Variants in HEATR6 observed in about 807,000 individuals in gnomAD.
HEATR6 encodes HEAT repeat-containing protein 6.
A neutral mutation model predicts 132.8 loss-of-function variants in HEATR6; 106 were observed. That is an observed-to-expected ratio of 0.80 (90% CI 0.68 to 0.94). The LOEUF (loss-of-function observed/expected upper bound fraction) is 0.94, where lower values mean the gene tolerates loss of function less well. HEATR6 is among the 40% of genes least tolerant of loss of function. HEATR6 has a pLI of 0.00. For missense variants in HEATR6, 1,339 were observed against 1,425.1 expected, an observed-to-expected ratio of 0.94 and a Z score of 0.97; for synonymous variants, 529 against 537.8, an observed-to-expected ratio of 0.98 and a Z score of 0.23.
At position 60,072,231 on chromosome 17, in the gene HEATR6, T is replaced by C. The variant is rs1407216666; in HGVS notation, c.683A>G (p.Asp228Gly). 6.3e-7 allele frequency: 1 copy of C among 1,578,918 alleles called. No individual in the cohort carries two copies. The highest frequency in any genetic ancestry group is 8.7e-7 in the Non-Finnish European group (1 of 1,152,004). The change falls in exon 5 of 20, where the codon GAT becomes GGT. Residue 228 changes from aspartate to glycine, a missense_variant. Transcript: ENST00000184956. ...TCCACTTACCATGCAAAATGTGATA[T>C]CATCCATATCAGATGATTTTGGAGA... ...LQSPKSSDMD[D>G]ITFCMLLQNA...
In HEATR6 at chr17:60,078,891, A is replaced by C; in HGVS notation, c.24T>G (p.Gly8=). 1 of 1,327,052 alleles carries C rather than the reference A, an allele frequency of 7.5e-7. No homozygotes were observed. The allele number at this position is 1,327,052 out of a possible 1,614,324, so 82.2% of individuals were successfully genotyped here. Residue 8 remains glycine, a synonymous_variant, in exon 1 of 20, where the codon GGT becomes GGG. Transcript: ENST00000184956. ...CCCGCGGCTGCACGGAAGGCCACGA[A>C]CCGACAACTTGCACAGCAGCCATCT... MAAVQVV[G]SWPSVQPREA...
chr17:60,057,396 A>C lies in HEATR6; in HGVS notation c.1731T>G (p.Asn577Lys). 1 of 1,584,808 alleles carries C rather than the reference A, an allele frequency of 6.3e-7. No homozygotes were observed. The highest frequency in any genetic ancestry group is 8.6e-7 in the Non-Finnish European group (1 of 1,161,736). The change falls in exon 12 of 20, where the codon AAT becomes AAG. Residue 577 changes from asparagine (N) to lysine (K), a missense_variant. Coordinates refer to ENST00000184956, the MANE Select transcript of HEATR6 (RefSeq NM_022070.5). ...AGAGTGTGAGACTTGACACACGAAC[A>C]TTAACATCTGTCAAAGGAAGCAGTA... Reference protein sequence around the residue: ...IKPYIRHKDVNVRVSSLTLLG... With the variant: ...IKPYIRHKDVKVRVSSLTLLG...
At chr17:60,046,268 A>C (rs773395977) in intron 18 of HEATR6, 39 bp from the exon 19 acceptor site, 1 of 1,508,024 alleles carries the variant, frequency 6.6e-7, no homozygotes, top group African/African-American at 1.4e-5. Flanking sequence ...CTGTTTGGCC[A>C]AAGAGATGTT....
In HEATR6 at chr17:60,073,857, G is replaced by C. The variant is rs2083283001; in HGVS notation, c.357C>G (p.Phe119Leu). ...QVIVDEQHLD[F>L]LLAYTISAIH... ...TAGCCGAAATAGTATATGCCAACAG[G>C]AAATCCAAGTGCTGTTCATCAACAA... Residue 119 changes from phenylalanine to leucine, a missense_variant, in exon 3 of 20, where the codon TTC becomes TTG. By Grantham distance (22) the Phe-to-Leu change is conservative. Transcript: ENST00000184956. 1 of 1,613,734 alleles carries C rather than the reference G, an allele frequency of 6.2e-7. No homozygotes were observed.
intron 7 of HEATR6, among the ~76,000 whole-genome samples, chr17:60,068,179 C>G (rs189940379): frequency 1.3e-5 from 2 of 152,046 alleles, no homozygotes; most frequent in Non-Finnish European, 1.5e-5. Context: ...ATCAGTTCTC[C>G]GAGTAAGATA....
At chr17:60,077,565 A>G (rs778397779) in intron 1 of HEATR6, among the ~76,000 whole-genome samples, 3 of 152,226 alleles carry the variant, frequency 2.0e-5, no homozygotes, top group Non-Finnish European at 2.9e-5. Context: ...ATAAACACAC[A>G]TATTTTAAAA....
intron 6 of HEATR6, 59 bp from the exon 7 acceptor site, chr17:60,069,907 T>C: frequency 6.3e-7 from 1 of 1,585,562 alleles, no homozygotes. Flanking sequence ...CCATTAATCA[T>C]AAACCATTAA....
In HEATR6 at chr17:60,042,338, G is replaced by A; in HGVS notation, c.*1225C>T. On this transcript the variant is annotated 3_prime_UTR_variant, in exon 20 of 20. Coordinates refer to ENST00000184956, the MANE Select transcript of HEATR6 (RefSeq NM_022070.5). ...CGGAGCAGCAGCTCATCAGCTGTGA[G>A]GCACCGTCAGCATCCTTGCGTCCTG... is the stretch of plus-strand genomic sequence containing the variant. 6.6e-6 allele frequency among the ~76,000 whole-genome samples: 1 copy of A among 152,034 alleles called. No homozygotes were observed. The highest frequency in any genetic ancestry group is 1.9e-4 in the East Asian group (1 of 5,206).
At position 60,057,254 on chromosome 17, in the gene HEATR6, C is replaced by G. The variant is rs149843891; in HGVS notation, c.1873G>C (p.Asp625His). 100 of 1,614,174 alleles carry G rather than the reference C, an allele frequency of 6.2e-5. No individual in the cohort carries two copies. The African/African-American group carries it at 1.3e-3, about 21-fold the overall frequency. ...NSATPHLSPP[D>H]WWKKAPAGPS... Reference sequence around the variant, plus strand: ...CCTGCAGGGGCTTTCTTCCACCAATCAGGAGGGCTGAGGTGAGGGGTTGCT... The same window carrying G: ...CCTGCAGGGGCTTTCTTCCACCAATGAGGAGGGCTGAGGTGAGGGGTTGCT... The change falls in exon 12 of 20, where the codon GAT becomes CAT. Residue 625 changes from aspartate to histidine, a missense_variant. Transcript: ENST00000184956.
intron 13 of HEATR6, 111 bp downstream of exon 13, chr17:60,056,004 G>A (rs1029794774): frequency 2.4e-6 from 3 of 1,231,688 alleles, no homozygotes; most frequent in Non-Finnish European, 3.4e-6. Flanking sequence ...AGAATTGAAG[G>A]ACATGTGGCA....
At chr17:60,068,213 C>A (rs2083252851) in intron 7 of HEATR6, among the ~76,000 whole-genome samples, 1 of 152,152 alleles carries the variant, frequency 6.6e-6, no homozygotes, top group Non-Finnish European at 1.5e-5. Context: ...ACTCCACATG[C>A]CTGCACAGAA....
chr17:60,063,988 A>T (rs1298647436), intron 9 of HEATR6: 4 of 152,158 alleles, frequency 2.6e-5, no homozygotes, highest in African/African-American at 9.7e-5. Flanking sequence ...TAATGCACAT[A>T]ACTTTCTAGA....
At chr17:60,071,767 G>A (rs533028621) in intron 5 of HEATR6, among the ~76,000 whole-genome samples, 7 of 152,292 alleles carry the variant, frequency 4.6e-5, no homozygotes, top group African/African-American at 1.4e-4. Flanking sequence ...GTCTTCAGTG[G>A]CTATATCCGA....
chr17:60,043,965 G>A lies in HEATR6; in HGVS notation c.3144C>T (p.Thr1048=), dbSNP rs3744380. Residue 1048 remains threonine (T), a synonymous_variant, in exon 20 of 20, where the codon ACC becomes ACT. Transcript: ENST00000184956. ...QYARIWNALV[T]ALQKSEDTID... The stretch of plus-strand genomic sequence containing the variant: ...TGGTGTCTTCACTCTTCTGTAAAGC[G>A]GTGACCAATGCATTCCAGATCCGAG... 9.6e-5 allele frequency: 155 copies of A among 1,614,068 alleles called. No individual in the cohort carries two copies. In the East Asian group the frequency reaches 2.5e-3, roughly 26 times the overall value.
At chr17:60,074,170 A>G in intron 2 of HEATR6, 3 of 1,125,974 alleles carry the variant, frequency 2.7e-6, no homozygotes, top group Non-Finnish European at 3.3e-6. Flanking sequence ...CTGTGAATAC[A>G]CAGATATGAG....
intron 1 of HEATR6, chr17:60,076,704 TAAAAAAA>T (rs143840094): frequency 0.042 from 6,349 of 151,634 alleles, 177 homozygotes; most frequent in African/African-American, 0.074. Flanking sequence ...CCTTGTCTCT[TAAAAAAA>T]AGAAAAAAGA....
chr17:60,061,092 C>T (rs2083208330), intron 9 of HEATR6, among the ~76,000 whole-genome samples: 2 of 152,076 alleles, frequency 1.3e-5, no homozygotes, highest in Non-Finnish European at 2.9e-5. Context: ...TCTCTTAGGC[C>T]AGCTCATCCA....
intron 1 of HEATR6, among the ~76,000 whole-genome samples, chr17:60,077,822 C>CT (rs2083304117): frequency 6.6e-6 from 1 of 152,160 alleles, no homozygotes; most frequent in South Asian, 2.1e-4. Context: ...GTCGCCTTGC[C>CT]TGAGGTCTAA....
In HEATR6 at chr17:60,076,182, T is replaced by A. The variant is rs752373524; in HGVS notation, c.275A>T (p.His92Leu). ...AAGCTGGCTCACTTTGCTGACAAGATGATTCTGATTAAGAGGTACCAGTCG... is the reference window on the plus strand; with the variant it reads ...AAGCTGGCTCACTTTGCTGACAAGAAGATTCTGATTAAGAGGTACCAGTCG... Reference protein sequence around the residue: ...ACRLVPLNQNHLVSKVSQLIH... With the variant: ...ACRLVPLNQNLLVSKVSQLIH... Residue 92 changes from histidine to leucine, a missense_variant, in exon 2 of 20, where the codon CAT becomes CTT. Physicochemically the swap from His to Leu is moderately conservative, Grantham distance 99. Transcript: ENST00000184956. 1 of 1,612,108 alleles carries A rather than the reference T, an allele frequency of 6.2e-7. No individual in the cohort carries two copies. The highest frequency in any genetic ancestry group is 2.2e-5 in the East Asian group (1 of 44,852).
Sources: gnomAD v4.1 joint callset for allele counts (sites outside exome capture counted in the v4.1 genomes callset) on GRCh38, gnomAD v4.1.1 for gene constraint, MANE v1.5 for transcripts, NCBI Gene and HGNC (gene_info 2026-07-23, HGNC 2026-07-21) for gene names.